Variants in ADAMTSL3 observed in about 807,000 individuals in gnomAD.
ADAMTSL3 encodes ADAMTS like 3.
A neutral mutation model predicts 201.7 loss-of-function variants in ADAMTSL3; 128 were observed. The observed-to-expected ratio is 0.63, with a 90% confidence interval of 0.55 to 0.73. The LOEUF (loss-of-function observed/expected upper bound fraction) is 0.73, where lower values mean the gene tolerates loss of function less well. Ranked by LOEUF, ADAMTSL3 falls within the 30% of genes least tolerant of loss-of-function variation. ADAMTSL3 has a pLI of 0.00. For missense variants in ADAMTSL3, 1,990 were observed against 2,119.6 expected (o/e 0.94, Z 1.20); for synonymous variants, 738 against 748.4 (o/e 0.99, Z 0.23).
intron 6 of ADAMTSL3, among the ~76,000 whole-genome samples, chr15:83,821,701 T>G (rs560054070): frequency 6.6e-6 from 1 of 152,370 alleles, no homozygotes; most frequent in South Asian, 2.1e-4. Context: ...CTTTCCCCAC[T>G]TTCTATTCCA....
intron 19 of ADAMTSL3, among the ~76,000 whole-genome samples, chr15:83,969,948 A>G (rs1371577849): frequency 6.6e-6 from 1 of 152,240 alleles, no homozygotes; most frequent in Non-Finnish European, 1.5e-5. Flanking sequence ...GGAACTTCGG[A>G]AAGTGTTGGA....
rs2063134226 is a variant in ADAMTSL3 at position 83,779,637 on chromosome 15, G to C, written c.317+5987G>C. Among the ~76,000 whole-genome samples the C allele has an allele frequency of 2.1e-5, 3 of 145,298 alleles. No individual in the cohort carries two copies. The Admixed American group carries it at 2.1e-4, about 10-fold the overall frequency. On this transcript the variant is annotated intron_variant, in intron 4 of 29. Transcript: ENST00000286744. ...GGTGTGAACCTGGGAGGCAGAGCTT[G>C]CAGTGAGCCGAGATCGCAACACTGC... is the stretch of plus-strand genomic sequence containing the variant.
At chr15:83,934,741 C>T (rs555329995) in intron 17 of ADAMTSL3, among the ~76,000 whole-genome samples, 2 of 152,170 alleles carry the variant, frequency 1.3e-5, no homozygotes, top group African/African-American at 4.8e-5. Flanking sequence ...TTCTCCAGAA[C>T]TTAATAAGTA....
chr15:83,879,139 C>T (rs1400624589), intron 9 of ADAMTSL3, among the ~76,000 whole-genome samples: 2 of 152,042 alleles, frequency 1.3e-5, no homozygotes, highest in South Asian at 4.1e-4. Context: ...CTATTTGTGC[C>T]TACTCTTCTC....
At chr15:83,747,927 C>T (rs2062574142) in intron 3 of ADAMTSL3, among the ~76,000 whole-genome samples, 1 of 151,334 alleles carries the variant, frequency 6.6e-6, no homozygotes. Context: ...TCCAGACTCC[C>T]TGGCACCAGA....
intron 4 of ADAMTSL3, among the ~76,000 whole-genome samples, chr15:83,781,819 A>G (rs999190535): frequency 1.3e-5 from 2 of 152,246 alleles, no homozygotes; most frequent in Admixed American, 6.5e-5. Context: ...CATACGAGAA[A>G]AAAGCTCATA....
intron 3 of ADAMTSL3, among the ~76,000 whole-genome samples, chr15:83,766,706 A>G (rs2062897786): frequency 6.6e-6 from 1 of 152,240 alleles, no homozygotes; most frequent in African/African-American, 2.4e-5. Flanking sequence ...GTAAGACAGA[A>G]AGCGCTTCTG....
chr15:84,012,189 T>C (rs1234072548), intron 23 of ADAMTSL3, among the ~76,000 whole-genome samples: 1 of 152,204 alleles, frequency 6.6e-6, no homozygotes, highest in Admixed American at 6.5e-5. Context: ...ACAATACCCA[T>C]ATATTATGTC....
At chr15:83,783,118 T>C (rs1228957811) in intron 4 of ADAMTSL3, among the ~76,000 whole-genome samples, 1 of 145,178 alleles carries the variant, frequency 6.9e-6, no homozygotes, top group Non-Finnish European at 1.5e-5. Context: ...AATATAAAAT[T>C]CAGAAGAGAG....
chr15:83,840,499 T>G (rs2064352337), intron 7 of ADAMTSL3, among the ~76,000 whole-genome samples: 1 of 152,174 alleles, frequency 6.6e-6, no homozygotes, highest in Non-Finnish European at 1.5e-5. Flanking sequence ...ACTGGATAGC[T>G]CTACAGGGTT....
intron 7 of ADAMTSL3, among the ~76,000 whole-genome samples, chr15:83,856,044 C>T (rs1950329771): frequency 6.6e-6 from 1 of 151,402 alleles, no homozygotes; most frequent in Admixed American, 6.6e-5. Flanking sequence ...AAAAGAAAAA[C>T]AACAAAGCAT....
chr15:83,862,288 G>T (rs927978153), intron 8 of ADAMTSL3: 1 of 152,134 alleles, frequency 6.6e-6, no homozygotes, highest in Admixed American at 6.5e-5. Flanking sequence ...GATACTCCTC[G>T]AGAAGAGCAA....
rs570662264 is a variant in ADAMTSL3 at position 83,880,274 on chromosome 15, A to G, written c.961-4827A>G. The stretch of plus-strand genomic sequence containing the variant: ...GTAATTATACCTTTACCTGTATCCA[A>G]TTTGTCTAATTTCCACTTTCTTTTT... On this transcript the variant is annotated intron_variant, in intron 9 of 29. Coordinates refer to ENST00000286744, the MANE Select transcript of ADAMTSL3 (RefSeq NM_207517.3). Among the ~76,000 whole-genome samples, 18 of 152,148 alleles carry G rather than the reference A, an allele frequency of 1.2e-4. No individual in the cohort carries two copies. In the South Asian group the frequency reaches 3.7e-3, roughly 32 times the overall value.
chr15:83,679,931 T>C (rs2141420168), intron 2 of ADAMTSL3, among the ~76,000 whole-genome samples: 1 of 152,308 alleles, frequency 6.6e-6, no homozygotes, highest in South Asian at 2.1e-4. Flanking sequence ...AAATCCTGAC[T>C]TGGTCTTTGC....
chr15:83,816,928 C>T (rs1596259382), intron 5 of ADAMTSL3, among the ~76,000 whole-genome samples: 1 of 152,180 alleles, frequency 6.6e-6, no homozygotes, highest in African/African-American at 2.4e-5. Context: ...CTCTGGAGGT[C>T]GAGGTTGCAG....
chr15:83,972,749 A>G (rs1166430963), intron 20 of ADAMTSL3, among the ~76,000 whole-genome samples: 1 of 152,192 alleles, frequency 6.6e-6, no homozygotes, highest in African/African-American at 2.4e-5. Flanking sequence ...GCATGCTCCC[A>G]GCACAGCCAA....
At chr15:83,786,315 C>A (rs920061386) in intron 4 of ADAMTSL3, among the ~76,000 whole-genome samples, 3 of 151,994 alleles carry the variant, frequency 2.0e-5, no homozygotes, top group Non-Finnish European at 2.9e-5. Flanking sequence ...TAGTGGAGTT[C>A]TTTGTTTATT....
intron 15 of ADAMTSL3, among the ~76,000 whole-genome samples, chr15:83,911,689 G>T (rs958926134): frequency 6.6e-6 from 1 of 152,150 alleles, no homozygotes; most frequent in Non-Finnish European, 1.5e-5. Flanking sequence ...TATAGTAATG[G>T]CATTTCATTC....
intron 2 of ADAMTSL3, among the ~76,000 whole-genome samples, chr15:83,665,494 GA>G (rs1224580991): frequency 6.6e-6 from 1 of 152,144 alleles, no homozygotes; most frequent in Admixed American, 6.5e-5. Context: ...AGGAGAAAGG[GA>G]GAGATTGAAG....
Sources: allele counts gnomAD v4.1 joint callset (sites outside exome capture counted in the v4.1 genomes callset), GRCh38; gene constraint gnomAD v4.1.1; transcripts MANE v1.5; gene names NCBI Gene and HGNC (gene_info 2026-07-23, HGNC 2026-07-21).